RBFOX1: variants seen among roughly 807,000 people sequenced by gnomAD.
The protein encoded by RBFOX1 is RNA binding protein fox-1 homolog 1.
RBFOX1 carries 8 observed loss-of-function variants against 57.7 expected under a neutral mutation model. That is an observed-to-expected ratio of 0.14 (90% CI 0.08 to 0.25). The LOEUF is 0.25. Ranked by LOEUF, RBFOX1 falls within the 10% of genes least tolerant of loss-of-function variation. RBFOX1 has a pLI of 1.00. For missense variants in RBFOX1, 611 were observed against 548.5 expected (o/e 1.11, Z -1.14); for synonymous variants, 326 against 222.4 (o/e 1.47, Z -4.15).
chr16:5,669,269 C>G (rs1220640686), intron 3 of RBFOX1, among the ~76,000 whole-genome samples: 1 of 152,120 alleles, frequency 6.6e-6, no homozygotes, highest in Non-Finnish European at 1.5e-5. Context: ...TGGCCACCCT[C>G]AGCTCCAAAC....
At chr16:6,445,509 G>A (rs1457107991) in intron 2 of RBFOX1, among the ~76,000 whole-genome samples, 1 of 150,756 alleles carries the variant, frequency 6.6e-6, no homozygotes, top group Non-Finnish European at 1.5e-5. Context: ...AATGAGACAA[G>A]CCAAGGATAA....
At chr16:6,637,586 A>T (rs932978266) in intron 2 of RBFOX1, among the ~76,000 whole-genome samples, 1 of 141,152 alleles carries the variant, frequency 7.1e-6, no homozygotes, top group African/African-American at 2.6e-5. Context: ...TATATATAAT[A>T]GTCTATATAT....
chr16:7,237,206 A>T (rs1256643317), intron 4 of RBFOX1, among the ~76,000 whole-genome samples: 1 of 152,160 alleles, frequency 6.6e-6, no homozygotes, highest in Non-Finnish European at 1.5e-5. Context: ...CTTGCCTGGC[A>T]TCTGGGTTCT....
chr16:6,326,400 G>C (rs74675068), intron 2 of RBFOX1, among the ~76,000 whole-genome samples: 2,379 of 152,250 alleles, frequency 0.016, 71 homozygotes, highest in African/African-American at 0.054. Flanking sequence ...GCCAATACCA[G>C]GGAGGGCTCA....
chr16:6,678,846 C>G (rs140288670), intron 3 of RBFOX1, among the ~76,000 whole-genome samples: 40 of 152,164 alleles, frequency 2.6e-4, no homozygotes, highest in African/African-American at 9.2e-4. Context: ...CTGAGTGAGG[C>G]TGGGTAGATG....
At chr16:7,083,251 C>T (rs2059469269) in intron 4 of RBFOX1, among the ~76,000 whole-genome samples, 1 of 151,974 alleles carries the variant, frequency 6.6e-6, no homozygotes, top group Non-Finnish European at 1.5e-5. Context: ...GGGATTGTAA[C>T]ACCTCCCACA....
chr16:6,380,546 GA>G (rs1417862208), intron 2 of RBFOX1, among the ~76,000 whole-genome samples: 1 of 151,258 alleles, frequency 6.6e-6, no homozygotes, highest in Non-Finnish European at 1.5e-5. Flanking sequence ...GTTCTGGGGG[GA>G]AAATAAATGG....
intron 3 of RBFOX1, among the ~76,000 whole-genome samples, chr16:5,833,884 G>A (rs535852663): frequency 6.6e-5 from 10 of 152,238 alleles, no homozygotes; most frequent in East Asian, 1.9e-4. Context: ...TAAAGAATTC[G>A]TGCATATACT....
chr16:6,442,879 G>A (rs2094413506), intron 2 of RBFOX1, among the ~76,000 whole-genome samples: 1 of 152,152 alleles, frequency 6.6e-6, no homozygotes, highest in South Asian at 2.1e-4. Context: ...TCAGTTTGGT[G>A]CAAAAATGAT....
intron 2 of RBFOX1, among the ~76,000 whole-genome samples, chr16:6,485,611 G>A (rs2095461830): frequency 6.6e-6 from 1 of 152,140 alleles, no homozygotes; most frequent in Non-Finnish European, 1.5e-5. Flanking sequence ...CCACTGTACA[G>A]CAGTCTTATA....
At chr16:7,199,285 C>G (rs987982119) in intron 4 of RBFOX1, among the ~76,000 whole-genome samples, 2 of 151,964 alleles carry the variant, frequency 1.3e-5, no homozygotes, top group African/African-American at 4.8e-5. Context: ...CCAAAGTGCC[C>G]TTTTATGTTT....
Position 5,993,417 on chromosome 16 carries a change from G to GAA in RBFOX1, c.351+126083_351+126084insAA, listed in dbSNP as rs2060439685. ...AGAGAGACAGAGAGAGAGAGAGAGA[G>GAA]AGAAGGAGACAGAGAGAGACAGAGA... On this transcript the variant is annotated intron_variant, in intron 4 of 19. Coordinates refer to the RBFOX1 transcript ENST00000641259. Among the ~76,000 whole-genome samples, 148 of 138,936 alleles carry GAA rather than the reference G, an allele frequency of 1.1e-3. 1 individual carries two copies. The highest frequency in any genetic ancestry group is 4.0e-3 in the African/African-American group (147 of 36,598). 91.1% of individuals were successfully genotyped at this position (138,936 alleles called of 152,430 possible). A position where few individuals can be genotyped will look rare whatever the true frequency, so the allele number is the denominator to read the frequency against.
At chr16:5,660,463 G>A (rs1388100325) in intron 3 of RBFOX1, among the ~76,000 whole-genome samples, 2 of 152,114 alleles carry the variant, frequency 1.3e-5, no homozygotes, top group East Asian at 3.9e-4. Flanking sequence ...CTGTGATTTC[G>A]TTATCAATGC....
chr16:6,232,534 C>T (rs1017287914), intron 1 of RBFOX1, among the ~76,000 whole-genome samples: 2 of 152,142 alleles, frequency 1.3e-5, no homozygotes, highest in African/African-American at 4.8e-5. Context: ...CTCCACCCTT[C>T]CCCTTAAATA....
intron 3 of RBFOX1, among the ~76,000 whole-genome samples, chr16:6,827,467 T>A (rs1266648374): frequency 1.3e-5 from 2 of 152,190 alleles, no homozygotes; most frequent in Non-Finnish European, 2.9e-5. Context: ...TGACAGCTGG[T>A]GACTTCCTGA....
At chr16:5,785,481 C>G (rs1179744150) in intron 3 of RBFOX1, among the ~76,000 whole-genome samples, 3 of 152,052 alleles carry the variant, frequency 2.0e-5, no homozygotes, top group Admixed American at 2.0e-4. Flanking sequence ...TTATCAGGGT[C>G]TCTGCATGGT....
intron 1 of RBFOX1, among the ~76,000 whole-genome samples, chr16:6,081,331 G>A (rs1363674491): frequency 6.6e-6 from 1 of 152,188 alleles, no homozygotes; most frequent in Admixed American, 6.5e-5. Flanking sequence ...TCCCCTGGGT[G>A]CTGAAATGAT....
chr16:5,454,767 C>CTCTT (rs377472982), intron 1 of RBFOX1, among the ~76,000 whole-genome samples: 2,559 of 36,320 alleles, frequency 0.07, 105 homozygotes, highest in African/African-American at 0.21. Flanking sequence ...TTCTTTCTTT[C>CTCTT]TCTTTCTTTC....
At chr16:5,883,212 G>A (rs1174473653) in intron 4 of RBFOX1, among the ~76,000 whole-genome samples, 1 of 152,074 alleles carries the variant, frequency 6.6e-6, no homozygotes, top group African/African-American at 2.4e-5. Flanking sequence ...AGGAGAGGAT[G>A]TGGAACAAAA....
Sources: allele counts gnomAD v4.1 joint callset (sites outside exome capture counted in the v4.1 genomes callset), GRCh38; gene constraint gnomAD v4.1.1; transcripts MANE v1.5; gene names NCBI Gene and HGNC (gene_info 2026-07-23, HGNC 2026-07-21).